GATB: variants seen among roughly 807,000 people sequenced by gnomAD.
The protein encoded by GATB is glutamyl-tRNA(Gln) amidotransferase subunit B, mitochondrial.
A neutral mutation model predicts 62.3 loss-of-function variants in GATB; 39 were observed. The ratio of observed to expected loss-of-function variants is 0.63; its 90% CI spans 0.48 to 0.82. GATB has a LOEUF of 0.82. Ranked by LOEUF, GATB falls within the 40% of genes least tolerant of loss-of-function variation. The probability of loss-of-function intolerance (pLI) is 0.00; values close to 1 mark genes in which losing one functional copy is unlikely to be tolerated. For missense variants in GATB, 670 were observed against 684.0 expected, an observed-to-expected ratio of 0.98 and a Z score of 0.23; for synonymous variants, 276 against 258.9, an observed-to-expected ratio of 1.07 and a Z score of -0.63.
At chr4:151,741,970 T>C (rs1702369252) in intron 2 of GATB, among the ~76,000 whole-genome samples, 1 of 152,186 alleles carries the variant, frequency 6.6e-6, no homozygotes, top group Non-Finnish European at 1.5e-5. Context: ...CTGATCTGTG[T>C]CTGTGATGAG....
intron 11 of GATB, among the ~76,000 whole-genome samples, 162 bp downstream of exon 11, chr4:151,679,651 C>T (rs867083769): frequency 2.6e-5 from 4 of 152,180 alleles, no homozygotes; most frequent in African/African-American, 7.2e-5. Context: ...TGGCTTCATA[C>T]GCTTGCTAAA....
intron 6 of GATB, among the ~76,000 whole-genome samples, chr4:151,706,688 T>A (rs1243074636): frequency 6.6e-6 from 1 of 152,146 alleles, no homozygotes; most frequent in Non-Finnish European, 1.5e-5. Flanking sequence ...GTTGATTCAC[T>A]TCAGGTTCAG....
chr4:151,748,690 T>C (rs1376199537), intron 2 of GATB, among the ~76,000 whole-genome samples: 3 of 152,130 alleles, frequency 2.0e-5, no homozygotes, highest in Non-Finnish European at 4.4e-5. Context: ...AGAGCTTCTG[T>C]ACAGCAAAAG....
chr4:151,756,993 G>GA lies in GATB; in HGVS notation c.327+1778dup, dbSNP rs112023407. Among the ~76,000 whole-genome samples, 394 of 152,072 alleles carry GA rather than the reference G, an allele frequency of 2.6e-3. 1 individual carries two copies. Among genetic ancestry groups the GA allele is most frequent in the African/African-American group, 9.1e-3 (376 of 41,476 alleles). ...CTCTTGATAATTAACTACAACATGG[G>GA]AAAAAAATGTTTTGAATCTGGAAGG... On this transcript the variant is annotated intron_variant, in intron 2 of 12. Coordinates refer to ENST00000263985, the MANE Select transcript of GATB (RefSeq NM_004564.3).
chr4:151,741,966 T>G (rs1349268392), intron 2 of GATB, among the ~76,000 whole-genome samples: 1 of 152,220 alleles, frequency 6.6e-6, no homozygotes, highest in Non-Finnish European at 1.5e-5. Flanking sequence ...TCACCTGATC[T>G]GTGTCTGTGA....
chr4:151,742,928 G>A (rs1253272182), intron 2 of GATB, among the ~76,000 whole-genome samples: 18 of 152,270 alleles, frequency 1.2e-4, no homozygotes, highest in Admixed American at 1.1e-3. Context: ...ATAAGTAGCT[G>A]TAAAATTATG....
intron 2 of GATB, among the ~76,000 whole-genome samples, chr4:151,731,200 A>G (rs569638134): frequency 2.9e-4 from 42 of 144,350 alleles, no homozygotes; most frequent in African/African-American, 1.1e-3. Flanking sequence ...ATCTCCGCTC[A>G]CTGCAACCTC....
chr4:151,716,024 G>C lies in GATB; in HGVS notation c.748C>G (p.Gln250Glu). ...TGGCTTCTACCTGCCATGTTCGCCT[G>C]GCTGGTCCCCAGGGCTTGAAGGATC... ...QLILQALGTS[Q>E]ANMAEGQLRV... Residue 250 changes from glutamine (Q) to glutamate (E), a missense_variant, in exon 5 of 13, where the codon CAG (glutamine) becomes GAG (glutamate). Gln to Glu is a conservative substitution (Grantham distance 29). Transcript: ENST00000263985. 1 of 1,613,904 alleles carries C rather than the reference G, an allele frequency of 6.2e-7. No homozygotes were observed. Among genetic ancestry groups the C allele is most frequent in the Non-Finnish European group, 8.5e-7 (1 of 1,179,926 alleles).
intron 2 of GATB, among the ~76,000 whole-genome samples, chr4:151,754,750 G>A (rs188876982): frequency 4.0e-5 from 6 of 150,148 alleles, no homozygotes; most frequent in South Asian, 2.1e-4. Context: ...CTTCTTTTTC[G>A]CAATAAAAGT....
intron 10 of GATB, among the ~76,000 whole-genome samples, chr4:151,686,441 T>C (rs902720123): frequency 3.9e-5 from 6 of 152,234 alleles, no homozygotes; most frequent in African/African-American, 1.2e-4. Context: ...TCAATATCTG[T>C]CTGTCTTCAC....
rs1739217494 is a variant in GATB, at chr4:151,730,281, GGA to G, written c.328-10745_328-10744del. On this transcript the variant is annotated intron_variant, in intron 2 of 12. Coordinates refer to ENST00000263985, the MANE Select transcript of GATB (RefSeq NM_004564.3). This position sits in a 1 kb window ranked among gnomAD's most constrained non-coding sequence, Gnocchi z 4.1. ...AGCAGCCGCAGCAAGACCCGCCCAA[GGA>G]GAGTCTGAGCTCAGACATGCCTAGC... Among the ~76,000 whole-genome samples, 1 of 152,188 alleles carries G rather than the reference GGA, an allele frequency of 6.6e-6. No homozygotes were observed. The highest frequency in any genetic ancestry group is 1.5e-5 in the Non-Finnish European group (1 of 68,030).
chr4:151,702,723 G>A (rs1203881049), intron 8 of GATB, among the ~76,000 whole-genome samples: 3 of 152,260 alleles, frequency 2.0e-5, no homozygotes, highest in Non-Finnish European at 4.4e-5. Flanking sequence ...GTAATCTTAT[G>A]AAACAAGATG....
chr4:151,701,343 T>C lies in GATB; in HGVS notation c.1183A>G (p.Ser395Gly). The change falls in exon 9 of 13, where the codon AGC becomes GGC. Residue 395 changes from serine to glycine, a missense_variant. Physicochemically the swap from Ser to Gly is moderately conservative, Grantham distance 56. Transcript: ENST00000263985. ...TCGATACCTACCAGCAAAGTGAAGC[T>C]GTGTTCCAGCAGCATCCCATACTGT... ...VQQYGMLLEH[S>G]FTLLNEVGLL... The C allele has an allele frequency of 1.3e-6, 2 of 1,557,086 alleles. No individual in the cohort carries two copies. The highest frequency in any genetic ancestry group is 1.2e-5 in the South Asian group (1 of 81,306).
intron 2 of GATB, among the ~76,000 whole-genome samples, chr4:151,741,772 A>G (rs1739492762): frequency 6.6e-6 from 1 of 152,228 alleles, no homozygotes; most frequent in Admixed American, 6.5e-5. Flanking sequence ...GCTCCTGTCA[A>G]CACCATCATA....
At chr4:151,685,670 C>T (rs1478688602) in intron 10 of GATB, among the ~76,000 whole-genome samples, 2 of 152,214 alleles carry the variant, frequency 1.3e-5, no homozygotes, top group East Asian at 1.9e-4. Flanking sequence ...CTCTTCAGCA[C>T]GGCTCCTGCC....
chr4:151,717,666 A>G (rs763320571), intron 3 of GATB, among the ~76,000 whole-genome samples: 17 of 152,164 alleles, frequency 1.1e-4, no homozygotes, highest in Non-Finnish European at 2.2e-4. Flanking sequence ...CCATTAATGG[A>G]AGGCACATGG....
chr4:151,755,508 G>A lies in GATB; in HGVS notation c.327+3264C>T, dbSNP rs569476643. ...GACAGATTCCTAAAAGAATTACTAC[G>A]TCAATAAACATGTTGGGCGAATAAA... On this transcript the variant is annotated intron_variant, in intron 2 of 12. Transcript: ENST00000263985. 3.9e-5 allele frequency among the ~76,000 whole-genome samples: 6 copies of A among 152,240 alleles called. No individual in the cohort carries two copies. In the East Asian group the frequency reaches 5.8e-4, roughly 15 times the overall value.
chr4:151,754,722 A>G (rs1183014733), intron 2 of GATB, among the ~76,000 whole-genome samples: 1 of 152,236 alleles, frequency 6.6e-6, no homozygotes, highest in African/African-American at 2.4e-5. Flanking sequence ...ACAGATGGAA[A>G]AAAAAAAGCT....
intron 6 of GATB, 29 bp from the exon 7 acceptor site, chr4:151,705,298 T>C (rs560325212): frequency 1.5e-6 from 2 of 1,359,806 alleles, no homozygotes; most frequent in African/African-American, 2.8e-5. Context: ...TTTAGCATCA[T>C]ATTTTGATTA....
Sources: gnomAD v4.1 joint callset for allele counts (sites outside exome capture counted in the v4.1 genomes callset) on GRCh38, gnomAD v4.1.1 for gene constraint, Gnocchi (gnomAD v3.1) non-coding constraint, MANE v1.5 for transcripts, NCBI Gene and HGNC (gene_info 2026-07-23, HGNC 2026-07-21) for gene names.